Variants in CAMKMT observed in about 807,000 individuals in gnomAD.
CAMKMT encodes calmodulin-lysine N-methyltransferase.
Under a neutral mutation model 48.0 loss-of-function variants are expected in CAMKMT, and 53 were observed. The observed-to-expected ratio is 1.10, with a 90% CI of 0.89 to 1.39. The LOEUF (loss-of-function observed/expected upper bound fraction) is 1.39. CAMKMT is among the 40% of genes most tolerant of loss of function. The pLI is 0.00. For synonymous variants in CAMKMT, 165 were observed against 152.3 expected, an observed-to-expected ratio of 1.08 and a Z score of -0.61; for missense variants, 428 against 402.7, an observed-to-expected ratio of 1.06 and a Z score of -0.54.
intron 3 of CAMKMT, among the ~76,000 whole-genome samples, chr2:44,514,390 A>G (rs1670732200): frequency 6.6e-6 from 1 of 152,216 alleles, no homozygotes; most frequent in Admixed American, 6.5e-5. Flanking sequence ...TTAGTATGGC[A>G]TGATATAGGT....
intron 8 of CAMKMT, among the ~76,000 whole-genome samples, chr2:44,746,659 G>A (rs1244271809): frequency 6.6e-6 from 1 of 152,172 alleles, no homozygotes; most frequent in Non-Finnish European, 1.5e-5. Context: ...AAAATGAGGT[G>A]CAGCCATACC....
chr2:44,516,511 T>C (rs1670840661), intron 3 of CAMKMT, among the ~76,000 whole-genome samples: 1 of 152,116 alleles, frequency 6.6e-6, no homozygotes, highest in African/African-American at 2.4e-5. Flanking sequence ...CCTCTCTAAA[T>C]ATATTTAGGA....
rs1011768643 is a variant in CAMKMT at position 44,618,948 on chromosome 2, C to T, written c.377-85335C>T. ...CCTTTCTGACATCATGCATTTCTCC[C>T]AGACTACTGTAAATTCAGATCTACT... On this transcript the variant is annotated intron_variant, in intron 3 of 10. Transcript: ENST00000378494. The surrounding 1 kb of genome is among the most constrained non-coding windows in gnomAD (Gnocchi z 4.0). Among the ~76,000 whole-genome samples, 3 of 152,076 alleles carry T rather than the reference C, an allele frequency of 2.0e-5. No individual in the cohort carries two copies. The highest frequency in any genetic ancestry group is 7.2e-5 in the African/African-American group (3 of 41,394).
intron 3 of CAMKMT, among the ~76,000 whole-genome samples, chr2:44,513,224 AC>A (rs931631247): frequency 7.1e-6 from 1 of 140,228 alleles, no homozygotes; most frequent in African/African-American, 2.7e-5. Context: ...CCCTTCCTGC[AC>A]CCACCCCCAC....
chr2:44,410,624 C>T (rs1271790944), intron 3 of CAMKMT, among the ~76,000 whole-genome samples: 5 of 151,870 alleles, frequency 3.3e-5, no homozygotes, highest in African/African-American at 1.2e-4. Flanking sequence ...TGTCATTTCA[C>T]CTAAAGGGAA....
At chr2:44,375,821 T>C (rs1679631653) in intron 2 of CAMKMT, among the ~76,000 whole-genome samples, 1 of 151,960 alleles carries the variant, frequency 6.6e-6, no homozygotes, top group Admixed American at 6.6e-5. Context: ...AGTCTCAATC[T>C]GTCACCCAGG....
At chr2:44,741,326 C>T (rs1679665190) in intron 7 of CAMKMT, among the ~76,000 whole-genome samples, 1 of 152,172 alleles carries the variant, frequency 6.6e-6, no homozygotes, top group Non-Finnish European at 1.5e-5. Flanking sequence ...ACAGTGAACT[C>T]ACCATCATCT....
chr2:44,731,607 A>G (rs1276576047), intron 7 of CAMKMT, among the ~76,000 whole-genome samples: 1 of 152,184 alleles, frequency 6.6e-6, no homozygotes, highest in Non-Finnish European at 1.5e-5. Context: ...TAAAAATCCT[A>G]TCAGAAATTG....
At chr2:44,503,834 G>A (rs188149085) in intron 3 of CAMKMT, among the ~76,000 whole-genome samples, 43 of 152,246 alleles carry the variant, frequency 2.8e-4, no homozygotes, top group Non-Finnish European at 5.7e-4. Flanking sequence ...AGATCAAGGT[G>A]CCTCCAGATT....
Position 44,772,201 on chromosome 2 carries a change from C to T in CAMKMT, c.*88C>T. On this transcript the variant is annotated 3_prime_UTR_variant, in exon 11 of 11. Transcript: ENST00000378494. The stretch of plus-strand genomic sequence containing the variant: ...CGGAAATCTGTAAGGGGTATAATCG[C>T]CTGCCTGCGCCCTTTGCAGCATTTC... The T allele has an allele frequency of 9.5e-7, 1 of 1,056,250 alleles. No individual in the cohort carries two copies. The highest frequency in any genetic ancestry group is 1.4e-6 in the Non-Finnish European group (1 of 693,568). The allele number at this position is 1,056,250 out of a possible 1,614,324, so 65.4% of individuals were successfully genotyped here. A position where few individuals can be genotyped will look rare whatever the true frequency, so the allele number is the denominator to read the frequency against.
chr2:44,556,119 T>A (rs1237635470), intron 3 of CAMKMT, among the ~76,000 whole-genome samples: 1 of 151,866 alleles, frequency 6.6e-6, no homozygotes. Context: ...ATACCTACAA[T>A]TTTTTTTATT....
chr2:44,370,599 T>C (rs970895714), intron 1 of CAMKMT, among the ~76,000 whole-genome samples: 2 of 151,908 alleles, frequency 1.3e-5, no homozygotes, highest in East Asian at 1.9e-4. Flanking sequence ...AGAAACAACG[T>C]TTAGTATTAT....
At chr2:44,400,080 A>G (rs1682223181) in intron 3 of CAMKMT, among the ~76,000 whole-genome samples, 1 of 152,188 alleles carries the variant, frequency 6.6e-6, no homozygotes. Context: ...GCATTGATTC[A>G]TTTGAATCCC....
intron 3 of CAMKMT, among the ~76,000 whole-genome samples, chr2:44,549,344 T>A (rs1261619169): frequency 6.6e-6 from 1 of 151,134 alleles, no homozygotes; most frequent in Non-Finnish European, 1.5e-5. Flanking sequence ...ATTACTATGA[T>A]TATAGTTTTA....
rs1190054697 is a variant in CAMKMT, at chr2:44,653,791, A to G, written c.377-50492A>G. On this transcript the variant is annotated intron_variant, in intron 3 of 10. Coordinates refer to ENST00000378494, the MANE Select transcript of CAMKMT (RefSeq NM_024766.5). This position sits in a 1 kb window ranked among gnomAD's most constrained non-coding sequence, Gnocchi z 5.2. ...TATTCATTTTAATGACTGATCTAAAACAAGAATTGAAAAGATCTCATCGAG... is the reference window on the plus strand; with the variant it reads ...TATTCATTTTAATGACTGATCTAAAGCAAGAATTGAAAAGATCTCATCGAG... Among the ~76,000 whole-genome samples, 1 of 152,234 alleles carries G rather than the reference A, an allele frequency of 6.6e-6. No homozygotes were observed. The highest frequency in any genetic ancestry group is 1.5e-5 in the Non-Finnish European group (1 of 68,042).
At chr2:44,661,022 T>C (rs900386141) in intron 3 of CAMKMT, among the ~76,000 whole-genome samples, 7 of 152,202 alleles carry the variant, frequency 4.6e-5, no homozygotes, top group Admixed American at 1.3e-4. Context: ...AAAACTTAGC[T>C]TTTTTACCCT....
Position 44,752,581 on chromosome 2 carries a change from C to T in CAMKMT, c.699-1474C>T, listed in dbSNP as rs138625566. Among the ~76,000 whole-genome samples, 10 of 150,902 alleles carry T rather than the reference C, an allele frequency of 6.6e-5. No homozygotes were observed. In the East Asian group the frequency reaches 8.0e-4, roughly 12 times the overall value. ...GTTTTAATAAACTTCCAGCTGTCTT[C>T]GTCCATTTTCTGCTGCTATAACAGA... On this transcript the variant is annotated intron_variant, in intron 8 of 10. Coordinates refer to ENST00000378494, the MANE Select transcript of CAMKMT (RefSeq NM_024766.5).
At chr2:44,665,732 T>A (rs1361848711) in intron 3 of CAMKMT, among the ~76,000 whole-genome samples, 1 of 152,234 alleles carries the variant, frequency 6.6e-6, no homozygotes, top group Non-Finnish European at 1.5e-5. Context: ...AATATTGTCT[T>A]ACATTTATAT....
intron 3 of CAMKMT, among the ~76,000 whole-genome samples, chr2:44,437,270 A>G (rs1196311862): frequency 2.0e-5 from 3 of 152,186 alleles, no homozygotes; most frequent in Admixed American, 2.0e-4. Flanking sequence ...ATTAATGTTT[A>G]TATACATATG....
Sources: gnomAD v4.1 joint callset for allele counts (sites outside exome capture counted in the v4.1 genomes callset) on GRCh38, gnomAD v4.1.1 for gene constraint, Gnocchi (gnomAD v3.1) non-coding constraint, MANE v1.5 for transcripts, NCBI Gene and HGNC (gene_info 2026-07-23, HGNC 2026-07-21) for gene names.